The following CHRNA1 variants were observed in gnomAD, a reference collection of about 807,000 sequenced individuals.
The protein encoded by CHRNA1 is acetylcholine receptor subunit alpha.
CHRNA1 carries 35 observed loss-of-function variants against 47.1 expected under a neutral mutation model. That is an observed-to-expected ratio of 0.74 (90% CI 0.57 to 0.99). The LOEUF is 0.99. Ranked by LOEUF, CHRNA1 falls within the 50% of genes least tolerant of loss-of-function variation. CHRNA1 has a pLI of 0.00. For missense variants in CHRNA1, 506 were observed against 591.1 expected (o/e 0.86, Z 1.49); for synonymous variants, 229 against 223.6 (o/e 1.02, Z -0.22).
intron 6 of CHRNA1, chr2:174,752,837 C>G (rs1439591698): frequency 6.7e-6 from 1 of 150,264 alleles, no homozygotes; most frequent in Non-Finnish European, 1.5e-5. Context: ...TTCTTTTTTT[C>G]AAACTTGTCT....
intron 3 of CHRNA1, among the ~76,000 whole-genome samples, chr2:174,758,898 T>C (rs1388217906): frequency 6.6e-6 from 1 of 151,908 alleles, no homozygotes; most frequent in Non-Finnish European, 1.5e-5. Context: ...TAAATATACA[T>C]ATATATTCAT....
chr2:174,748,184 G>A lies in CHRNA1; in HGVS notation c.1314C>T (p.Cys438=), dbSNP rs137852808. ...HILLGVFMLV[C]IIGTLAVFAG... ...CAAACACGGCTAGGGTTCCGATGAT[G>A]CAAACAAGCATGAAGACTCCGAGGA... Residue 438 remains cysteine, a synonymous_variant, in exon 9 of 9, where the codon TGC becomes TGT. Transcript: ENST00000348749. 3 of 1,614,008 alleles carry A rather than the reference G, an allele frequency of 1.9e-6. No homozygotes were observed. The African/African-American group carries it at 4.0e-5, about 22-fold the overall frequency.
Position 174,750,043 on chromosome 2 carries a change from A to G in CHRNA1, c.905T>C (p.Met302Thr). 2.5e-6 allele frequency: 4 copies of G among 1,614,178 alleles called. No individual in the cohort carries two copies. The highest frequency in any genetic ancestry group is 3.4e-6 in the Non-Finnish European group (4 of 1,180,044). The change falls in exon 7 of 9, where the codon ATG (methionine) becomes ACG (threonine). Residue 302 changes from methionine to threonine, a missense_variant. Transcript: ENST00000348749. ...PLIGKYMLFT[M>T]VFVIASIIIT... ...GATGATGGAGGCAATGACGAACACCATGGTGAACAGCATGTATTTTCCAAT... is the reference window on the plus strand; with the variant it reads ...GATGATGGAGGCAATGACGAACACCGTGGTGAACAGCATGTATTTTCCAAT...
At chr2:174,756,998 G>A (rs1285277076) in intron 4 of CHRNA1, among the ~76,000 whole-genome samples, 1 of 152,176 alleles carries the variant, frequency 6.6e-6, no homozygotes, top group Admixed American at 6.5e-5. Context: ...GCAGTCTGTC[G>A]TGGGGCCCAG....
chr2:174,748,996 CCGG>C (rs1683794213), intron 7 of CHRNA1, among the ~76,000 whole-genome samples, 177 bp from the exon 8 acceptor site: 1 of 152,068 alleles, frequency 6.6e-6, no homozygotes, highest in Non-Finnish European at 1.5e-5. Flanking sequence ...CCTCTGTATC[CCGG>C]GTCCTGTGAA....
intron 1 of CHRNA1, among the ~76,000 whole-genome samples, chr2:174,761,659 G>A (rs1354791542): frequency 6.6e-6 from 1 of 152,140 alleles, no homozygotes; most frequent in African/African-American, 2.4e-5. Flanking sequence ...AGGGCACTCA[G>A]TGCCCAACCA....
intron 3 of CHRNA1, 176 bp from the exon 4 acceptor site, chr2:174,757,851 G>A (rs758092425): frequency 6.4e-6 from 6 of 930,796 alleles, no homozygotes; most frequent in South Asian, 1.4e-5. Context: ...CAAATATATA[G>A]CACTGACGAC....
Position 174,750,008 on chromosome 2 carries a change from T to C in CHRNA1, c.940A>G (p.Ile314Val), listed in dbSNP as rs1321367365. ...FVIASIIITVIVINTHHRSPS... is the reference protein window; with the variant it reads ...FVIASIIITVVVINTHHRSPS... ...GAGCGGTGGTGTGTGTTGATGACGA[T>C]GACAGTGATGATGATGGAGGCAATG... The change falls in exon 7 of 9, where the codon ATC (isoleucine) becomes GTC (valine). Residue 314 changes from isoleucine (I) to valine (V), a missense_variant. Ile to Val is a conservative substitution (Grantham distance 29, BLOSUM62 3). Coordinates refer to ENST00000348749, the MANE Select transcript of CHRNA1 (RefSeq NM_000079.4). 1.9e-6 allele frequency: 3 copies of C among 1,613,970 alleles called. No homozygotes were observed. The highest frequency in any genetic ancestry group is 1.3e-5 in the African/African-American group (1 of 74,874).
chr2:174,764,410 G>C lies in CHRNA1; in HGVS notation c.-16C>G, dbSNP rs1057334260. On this transcript the variant is annotated 5_prime_UTR_variant, in exon 1 of 9. Transcript: ENST00000348749. ...AGGGCTCCATGGGCTACCGGAGCTT[G>C]TGTGGACCAGGGCAGAGTGGTGGCC... is the stretch of plus-strand genomic sequence containing the variant. The C allele has an allele frequency of 6.8e-6, 11 of 1,611,160 alleles. No homozygotes were observed. Among genetic ancestry groups the C allele is most frequent in the Admixed American group, 3.3e-5 (2 of 59,780 alleles).
In CHRNA1 at chr2:174,754,837, C is replaced by T. The variant is rs371921922; in HGVS notation, c.345-423G>A. 8.1e-4 allele frequency among the ~76,000 whole-genome samples: 123 copies of T among 151,152 alleles called. 2 individuals carry two copies. In the South Asian group the frequency reaches 0.018, roughly 23 times the overall value. On this transcript the variant is annotated intron_variant, in intron 4 of 8. Coordinates refer to ENST00000348749, the MANE Select transcript of CHRNA1 (RefSeq NM_000079.4). ...GGAATTTTACATAAAACACCTCCAG[C>T]GACTCATTACTGCGACAAGCAGGTT... is the stretch of plus-strand genomic sequence containing the variant.
chr2:174,763,463 G>C (rs1033205102), intron 1 of CHRNA1, among the ~76,000 whole-genome samples: 2 of 152,054 alleles, frequency 1.3e-5, no homozygotes, highest in African/African-American at 4.8e-5. Flanking sequence ...TAATAATAAA[G>C]CTTTTTGCCT....
At position 174,759,342 on chromosome 2, in the gene CHRNA1, G is replaced by A. The variant is rs777443003; in HGVS notation, c.223C>T (p.Arg75Cys). The change falls in exon 3 of 9, where the codon CGT (arginine) becomes TGT (cysteine). Residue 75 changes from arginine (R) to cysteine (C), a missense_variant. Physicochemically the swap from Arg to Cys is radical, Grantham distance 180. Coordinates refer to ENST00000348749, the MANE Select transcript of CHRNA1 (RefSeq NM_000079.4). ...TCTGGCTAAGTTACCTGTTTCAGAC[G>A]CACATTGGTTGTCACGATCTGATTT... ...EVNQIVTTNV[R>C]LKQQWVDYNL... 6.2e-7 allele frequency: 1 copy of A among 1,613,978 alleles called. No individual in the cohort carries two copies. Among genetic ancestry groups the A allele is most frequent in the Admixed American group, 1.7e-5 (1 of 60,008 alleles).
In CHRNA1 at chr2:174,753,655, G is replaced by A. The variant is rs1465142432; in HGVS notation, c.626C>T (p.Thr209Ile). 2 of 1,614,124 alleles carry A rather than the reference G, an allele frequency of 1.2e-6. No individual in the cohort carries two copies. Among genetic ancestry groups the A allele is most frequent in the Non-Finnish European group, 1.7e-6 (2 of 1,180,026 alleles). ...GGGGGTGTCGGGGCAGCAGGAATAG[G>A]TCACGGAGTGCTTCCAGCCCCGGGA... ...KESRGWKHSV[T>I]YSCCPDTPYL... The change falls in exon 6 of 9, where the codon ACC (threonine) becomes ATC (isoleucine). Residue 209 changes from threonine (T) to isoleucine (I), a missense_variant. Thr to Ile is a moderately conservative substitution (Grantham distance 89, BLOSUM62 -1). Transcript: ENST00000348749.
intron 3 of CHRNA1, among the ~76,000 whole-genome samples, chr2:174,758,387 C>T (rs763946401): frequency 1.9e-4 from 29 of 152,066 alleles, no homozygotes; most frequent in East Asian, 3.9e-4. Flanking sequence ...CCAGCCTGGG[C>T]GACAGAGTGA....
In CHRNA1 at chr2:174,753,690, C is replaced by T. The variant is rs891619099; in HGVS notation, c.591G>A (p.Val197=). 1 of 1,614,100 alleles carries T rather than the reference C, an allele frequency of 6.2e-7. No homozygotes were observed. ...GCTTCCAGCCCCGGGACTCCTTGAT[C>T]ACCCACTCCCCGCTCTCCATGAAGT... ...LSNFMESGEW[V]IKESRGWKHS... The change falls in exon 6 of 9, where the codon GTG becomes GTA. Residue 197 remains valine, a synonymous_variant. Transcript: ENST00000348749.
At chr2:174,749,282 A>G (rs933691919) in intron 7 of CHRNA1, among the ~76,000 whole-genome samples, 2 of 152,240 alleles carry the variant, frequency 1.3e-5, no homozygotes, top group African/African-American at 4.8e-5. Flanking sequence ...GCAGTCATCT[A>G]TCAGCCTTTA....
intron 3 of CHRNA1, among the ~76,000 whole-genome samples, chr2:174,758,388 G>A (rs190998693): frequency 2.4e-4 from 36 of 152,132 alleles, no homozygotes; most frequent in South Asian, 1.7e-3. Context: ...CAGCCTGGGC[G>A]ACAGAGTGAG....
At chr2:174,760,822 G>A (rs1427514222) in intron 1 of CHRNA1, among the ~76,000 whole-genome samples, 1 of 152,078 alleles carries the variant, frequency 6.6e-6, no homozygotes, top group African/African-American at 2.4e-5. Context: ...CTGGGTTTGG[G>A]GCTCCTAGTT....
At chr2:174,757,927 G>C (rs891114568) in intron 3 of CHRNA1, 1 of 1,368,522 alleles carries the variant, frequency 7.3e-7, no homozygotes, top group African/African-American at 1.4e-5. Context: ...AATCCCGTGA[G>C]GGGAGGGTGA....
Sources: allele counts gnomAD v4.1 joint callset (sites outside exome capture counted in the v4.1 genomes callset), GRCh38; gene constraint gnomAD v4.1.1; transcripts MANE v1.5; gene names NCBI Gene and HGNC (gene_info 2026-07-23, HGNC 2026-07-21).